The following NCOA2 variants were observed in gnomAD, a reference collection of about 807,000 sequenced individuals.
The protein encoded by NCOA2 is nuclear receptor coactivator 2.
Under a neutral mutation model 145.1 loss-of-function variants are expected in NCOA2, and 21 were observed. The observed-to-expected ratio is 0.14, with a 90% CI of 0.10 to 0.21. NCOA2 has a LOEUF of 0.21. Ranked by LOEUF, NCOA2 falls within the 10% of genes least tolerant of loss-of-function variation. NCOA2 has a pLI of 1.00. For synonymous variants in NCOA2, 619 were observed against 637.5 expected, an observed-to-expected ratio of 0.97 and a Z score of 0.44; for missense variants, 1,472 against 1,837.6, an observed-to-expected ratio of 0.80 and a Z score of 3.64.
At chr8:70,214,913 G>A (rs1481592853) in intron 3 of NCOA2, among the ~76,000 whole-genome samples, 1 of 152,000 alleles carries the variant, frequency 6.6e-6, no homozygotes, top group African/African-American at 2.4e-5. Context: ...TAATGTAGCA[G>A]CTTTCTGTAT....
intron 1 of NCOA2, among the ~76,000 whole-genome samples, chr8:70,355,445 G>C (rs1424465149): frequency 6.6e-6 from 1 of 152,244 alleles, no homozygotes; most frequent in African/African-American, 2.4e-5. Flanking sequence ...AATAAAATGA[G>C]GGGGTGAGAA....
chr8:70,435,682 T>C, the NCOA2 span, among the ~76,000 whole-genome samples: 1 of 151,040 alleles, frequency 6.6e-6, no homozygotes, highest in African/African-American at 2.4e-5. Flanking sequence ...TTACTCCTTT[T>C]CTACTTATAT....
chr8:70,385,039 C>T (rs1812533161), intron 1 of NCOA2, among the ~76,000 whole-genome samples: 1 of 152,188 alleles, frequency 6.6e-6, no homozygotes, highest in Non-Finnish European at 1.5e-5. Context: ...AGTGCTGCAT[C>T]ACCCATTGCA....
intron 22 of NCOA2, among the ~76,000 whole-genome samples, chr8:70,114,549 T>C (rs1279929291): frequency 2.0e-5 from 3 of 152,200 alleles, no homozygotes; most frequent in Non-Finnish European, 4.4e-5. Flanking sequence ...CTGGGATATA[T>C]CCACAACAAG....
In NCOA2 at chr8:70,155,596, CAA is replaced by C. The variant is rs550212162; in HGVS notation, c.2394+373_2394+374del. On this transcript the variant is annotated intron_variant, in intron 11 of 22. Transcript: ENST00000452400. The stretch of plus-strand genomic sequence containing the variant: ...TGACACATGATAATTCCATGAAATT[CAA>C]ATTTCAGTGTCTATAAGCAATGTTT... Among the ~76,000 whole-genome samples the C allele has an allele frequency of 5.9e-5, 9 of 152,232 alleles. No homozygotes were observed. In the South Asian group the frequency reaches 1.9e-3, roughly 32 times the overall value.
At chr8:70,410,159 G>A in the NCOA2 span, among the ~76,000 whole-genome samples, 3 of 152,120 alleles carry the variant, frequency 2.0e-5, no homozygotes, top group African/African-American at 7.2e-5. Context: ...GCAGTGAGAT[G>A]AGATTGTGCC....
At chr8:70,404,439 C>T (rs1045207406), upstream of NCOA2, among the ~76,000 whole-genome samples, 2 of 152,162 alleles carry the variant, frequency 1.3e-5, no homozygotes, top group African/African-American at 4.8e-5. Context: ...ACCCTTCGGC[C>T]AGCACCCTGC....
intron 2 of NCOA2, among the ~76,000 whole-genome samples, chr8:70,240,528 C>T (rs1822034844): frequency 6.6e-6 from 1 of 152,038 alleles, no homozygotes; most frequent in East Asian, 1.9e-4. Flanking sequence ...CATTTTTGTT[C>T]TTCTGATGTT....
intron 2 of NCOA2, among the ~76,000 whole-genome samples, chr8:70,286,498 C>G (rs1051889486): frequency 6.6e-6 from 1 of 152,076 alleles, no homozygotes; most frequent in African/African-American, 2.4e-5. Flanking sequence ...TATAAATACT[C>G]AAAGATAAAA....
intron 1 of NCOA2, among the ~76,000 whole-genome samples, chr8:70,388,630 T>C (rs1159953574): frequency 6.6e-6 from 1 of 152,220 alleles, no homozygotes; most frequent in Non-Finnish European, 1.5e-5. Context: ...TATACTAGTG[T>C]CTGCAATATA....
chr8:70,212,066 CATATAT>C (rs36215324), intron 4 of NCOA2, among the ~76,000 whole-genome samples: 2,596 of 144,330 alleles, frequency 0.018, 31 homozygotes, highest in African/African-American at 0.035. Context: ...CTTTGTGGCG[CATATAT>C]ATATATATAT....
At position 70,115,138 on chromosome 8, in the gene NCOA2, A is replaced by ATTTG. The variant is rs199642277; in HGVS notation, c.4384-1496_4384-1495insCAAA. Among the ~76,000 whole-genome samples the ATTTG allele has an allele frequency of 2.3e-4, 35 of 151,540 alleles. 1 individual carries two copies. The highest frequency in any genetic ancestry group is 2.1e-3 in the Admixed American group (32 of 15,230). The stretch of plus-strand genomic sequence containing the variant: ...GTCTAGAAAAAGTCTACTGAGAAGT[A>ATTTG]TTTATTTATTTATTTATTTATTTAT... On this transcript the variant is annotated intron_variant, in intron 22 of 22. Coordinates refer to ENST00000452400, the MANE Select transcript of NCOA2 (RefSeq NM_006540.4).
At chr8:70,362,236 GA>G (rs1174057526) in intron 1 of NCOA2, among the ~76,000 whole-genome samples, 29 of 151,904 alleles carry the variant, frequency 1.9e-4, no homozygotes, top group African/African-American at 6.0e-4. Flanking sequence ...GGGAAAACAA[GA>G]AAAAAGGATA....
chr8:70,207,670 C>G (rs534216964), intron 4 of NCOA2, among the ~76,000 whole-genome samples: 14 of 151,944 alleles, frequency 9.2e-5, no homozygotes, highest in African/African-American at 2.9e-4. Context: ...TTGAGACCAG[C>G]CTGACCAACA....
At chr8:70,373,250 T>G (rs1378566302) in intron 1 of NCOA2, among the ~76,000 whole-genome samples, 3 of 152,210 alleles carry the variant, frequency 2.0e-5, no homozygotes, top group Admixed American at 1.3e-4. Flanking sequence ...TAGTCTCCCC[T>G]GCACTTGGTA....
chr8:70,389,164 A>C (rs967347753), intron 1 of NCOA2, among the ~76,000 whole-genome samples: 11 of 152,070 alleles, frequency 7.2e-5, no homozygotes, highest in African/African-American at 2.4e-4. Flanking sequence ...GTTACACTTC[A>C]GACTATTTAA....
the NCOA2 span, among the ~76,000 whole-genome samples, chr8:70,416,594 C>T: frequency 1.3e-5 from 2 of 152,186 alleles, no homozygotes; most frequent in African/African-American, 2.4e-5. Flanking sequence ...TGCCTTAGTA[C>T]ATTTAATGCT....
intron 19 of NCOA2, 130 bp downstream of exon 19, chr8:70,126,683 A>G (rs1210411143): frequency 1.1e-5 from 9 of 801,304 alleles, no homozygotes; most frequent in Non-Finnish European, 1.8e-5. Flanking sequence ...CAGGTTTCCT[A>G]TCATTCCCTG....
intron 1 of NCOA2, among the ~76,000 whole-genome samples, chr8:70,366,504 G>C (rs1586609319): frequency 2.6e-5 from 4 of 150,988 alleles, no homozygotes; most frequent in Non-Finnish European, 5.9e-5. Context: ...GCTTTCGGGG[G>C]GAGAAGAGTT....
Sources: allele counts gnomAD v4.1 joint callset (sites outside exome capture counted in the v4.1 genomes callset), GRCh38; gene constraint gnomAD v4.1.1; transcripts MANE v1.5; gene names NCBI Gene and HGNC (gene_info 2026-07-23, HGNC 2026-07-21).